Variants in L3MBTL4 observed in about 807,000 individuals in gnomAD.
L3MBTL4 encodes the protein L3MBTL histone methyl-lysine binding protein 4.
Under a neutral mutation model 84.5 loss-of-function variants are expected in L3MBTL4, and 70 were observed. The observed-to-expected ratio is 0.83, with a 90% confidence interval of 0.68 to 1.01. L3MBTL4 has a LOEUF of 1.01. L3MBTL4 is among the 50% of genes least tolerant of loss of function. The pLI, the probability that L3MBTL4 is intolerant of heterozygous loss-of-function variation, is 0.00. For synonymous variants in L3MBTL4, 274 were observed against 259.8 expected (o/e 1.05, Z -0.52); for missense variants, 715 against 754.8 (o/e 0.95, Z 0.62).
intron 1 of L3MBTL4, among the ~76,000 whole-genome samples, chr18:6,316,127 C>A (rs149946554): frequency 1.3e-5 from 2 of 151,144 alleles, no homozygotes; most frequent in East Asian, 3.9e-4. Context: ...ACGTCACTCT[C>A]ACGGAGTCCA....
chr18:6,244,442 G>A, intron 6 of L3MBTL4, 42 bp downstream of exon 6: 2 of 1,218,936 alleles, frequency 1.6e-6, no homozygotes, highest in Non-Finnish European at 2.4e-6. Flanking sequence ...TTATCTTTCT[G>A]TCACTAGGCA....
chr18:6,193,583 CG>C (rs1311679974), intron 12 of L3MBTL4, among the ~76,000 whole-genome samples: 2 of 152,178 alleles, frequency 1.3e-5, no homozygotes. Flanking sequence ...AGAGCCGGGA[CG>C]GGGCAGAGTT....
chr18:6,199,492 T>C (rs769052226), intron 12 of L3MBTL4, among the ~76,000 whole-genome samples: 1 of 152,184 alleles, frequency 6.6e-6, no homozygotes, highest in East Asian at 1.9e-4. Flanking sequence ...TGGACAGCAC[T>C]GGCCTAGGCA....
chr18:6,113,464 CAAAAA>C (rs34482524), intron 14 of L3MBTL4, among the ~76,000 whole-genome samples: 109 of 113,796 alleles, frequency 9.6e-4, no homozygotes, highest in African/African-American at 3.3e-3. Flanking sequence ...CAAGTGTGGG[CAAAAA>C]AAAAAAAAAA....
chr18:6,157,253 T>G (rs1392536959), intron 13 of L3MBTL4, among the ~76,000 whole-genome samples: 1 of 152,200 alleles, frequency 6.6e-6, no homozygotes, highest in Non-Finnish European at 1.5e-5. Context: ...TACTAAAGAT[T>G]CCTTGTGAAA....
chr18:6,083,282 G>T (rs1356232990), intron 15 of L3MBTL4, among the ~76,000 whole-genome samples: 1 of 152,200 alleles, frequency 6.6e-6, no homozygotes, highest in Non-Finnish European at 1.5e-5. Flanking sequence ...GTTTCCAAAA[G>T]TCTCGAGAAT....
At chr18:6,233,871 C>G (rs1340948502) in intron 10 of L3MBTL4, among the ~76,000 whole-genome samples, 3 of 151,954 alleles carry the variant, frequency 2.0e-5, no homozygotes, top group Non-Finnish European at 4.4e-5. Flanking sequence ...CAATCCTAAG[C>G]CAAAAGAACA....
chr18:6,272,074 A>C (rs2048895886), intron 4 of L3MBTL4, among the ~76,000 whole-genome samples: 1 of 152,224 alleles, frequency 6.6e-6, no homozygotes, highest in African/African-American at 2.4e-5. Context: ...TGTTGCTGTT[A>C]AGCGTATCAG....
At chr18:6,193,219 A>C (rs1306238719) in intron 12 of L3MBTL4, among the ~76,000 whole-genome samples, 1 of 152,100 alleles carries the variant, frequency 6.6e-6, no homozygotes, top group African/African-American at 2.4e-5. Context: ...GATCGCCTGC[A>C]TGTGTACTAA....
chr18:6,195,683 T>C (rs537168181), intron 12 of L3MBTL4, among the ~76,000 whole-genome samples: 2 of 152,322 alleles, frequency 1.3e-5, no homozygotes, highest in South Asian at 2.1e-4. Context: ...GGATAAAATA[T>C]TTTGTGGCTG....
At chr18:6,163,781 T>C (rs1213567995) in intron 13 of L3MBTL4, among the ~76,000 whole-genome samples, 1 of 152,184 alleles carries the variant, frequency 6.6e-6, no homozygotes, top group Non-Finnish European at 1.5e-5. Flanking sequence ...AATTTCTGCA[T>C]TTCCAACTGA....
chr18:6,066,559 G>T (rs1464425112), intron 16 of L3MBTL4, among the ~76,000 whole-genome samples: 1 of 152,018 alleles, frequency 6.6e-6, no homozygotes, highest in Non-Finnish European at 1.5e-5. Flanking sequence ...ATAAATTTAG[G>T]ATTGTAATAT....
rs72873883 is a variant in L3MBTL4, at chr18:5,994,384, A to G, written c.1445-24822T>C. On this transcript the variant is annotated intron_variant, in intron 16 of 18. Transcript: ENST00000317931. ...AAAGACCTTCTTTGATATCTCTCAG[A>G]CACCTTAGAAAATATTTCCCTTACT... Among the ~76,000 whole-genome samples the G allele has an allele frequency of 3.1e-3, 468 of 152,278 alleles. 2 individuals carry two copies. The highest frequency in any genetic ancestry group is 5.8e-3 in the Non-Finnish European group (396 of 68,012).
chr18:6,316,752 G>A (rs1246843385), intron 1 of L3MBTL4, among the ~76,000 whole-genome samples: 2 of 152,152 alleles, frequency 1.3e-5, no homozygotes, highest in Non-Finnish European at 2.9e-5. Flanking sequence ...GCATCTGGGA[G>A]TTGGATCACT....
chr18:6,033,356 T>C (rs996904908), intron 16 of L3MBTL4, among the ~76,000 whole-genome samples: 2 of 152,228 alleles, frequency 1.3e-5, no homozygotes, highest in Non-Finnish European at 2.9e-5. Flanking sequence ...ATCTCTTGTG[T>C]CTTTGGATCT....
intron 14 of L3MBTL4, among the ~76,000 whole-genome samples, chr18:6,115,560 A>G (rs16949461): frequency 0.011 from 1,638 of 152,288 alleles, 41 homozygotes; most frequent in African/African-American, 0.037. Context: ...ACTACCTACA[A>G]GGCGATGCTC....
At chr18:6,260,933 T>C (rs1178067279) in intron 5 of L3MBTL4, 1 of 152,242 alleles carries the variant, frequency 6.6e-6, no homozygotes, top group Admixed American at 6.5e-5. Context: ...TTTTTAACTA[T>C]AGACAATGCT....
At chr18:6,093,562 G>A (rs746664665) in intron 14 of L3MBTL4, 34 bp from the exon 15 acceptor site, 2 of 1,547,908 alleles carry the variant, frequency 1.3e-6, no homozygotes, top group Non-Finnish European at 1.7e-6. Context: ...ACAGTCATCA[G>A]TATACAGTGA....
At chr18:6,186,005 T>G (rs1405692324) in intron 12 of L3MBTL4, among the ~76,000 whole-genome samples, 1 of 149,650 alleles carries the variant, frequency 6.7e-6, no homozygotes, top group African/African-American at 2.5e-5. Context: ...TTATTTTATA[T>G]TTTATTTTAT....
Sources: gnomAD v4.1 joint callset for allele counts (sites outside exome capture counted in the v4.1 genomes callset) on GRCh38, gnomAD v4.1.1 for gene constraint, MANE v1.5 for transcripts, NCBI Gene and HGNC (gene_info 2026-07-23, HGNC 2026-07-21) for gene names.